CBFA2T3: variants seen among roughly 807,000 people sequenced by gnomAD.
The protein encoded by CBFA2T3 is transcriptional corepressor CBFA2T3.
A neutral mutation model predicts 58.6 loss-of-function variants in CBFA2T3; 31 were observed. The observed-to-expected ratio is 0.53, with a 90% confidence interval of 0.40 to 0.71. The LOEUF (loss-of-function observed/expected upper bound fraction) is 0.71. Among genes scored for constraint, CBFA2T3 ranks in the 30% least tolerant of loss-of-function variants. CBFA2T3 has a pLI of 0.00. For synonymous variants in CBFA2T3, 531 were observed against 421.9 expected, an observed-to-expected ratio of 1.26 and a Z score of -3.17; for missense variants, 1,076 against 963.1, an observed-to-expected ratio of 1.12 and a Z score of -1.55.
In CBFA2T3 at chr16:88,917,786, C is replaced by T. The variant is rs144606233; in HGVS notation, c.152-16130G>A. 3.4e-3 allele frequency among the ~76,000 whole-genome samples: 523 copies of T among 152,264 alleles called. 5 individuals carry two copies. The highest frequency in any genetic ancestry group is 5.9e-3 in the Non-Finnish European group (404 of 68,030). ...TGTCATAAGTGTGACATGTGATGTGCGCACGTATGACACACACATGCAGAC... is the reference window on the plus strand; with the variant it reads ...TGTCATAAGTGTGACATGTGATGTGTGCACGTATGACACACACATGCAGAC... On this transcript the variant is annotated intron_variant, in intron 1 of 11. Coordinates refer to ENST00000268679, the MANE Select transcript of CBFA2T3 (RefSeq NM_005187.6).
chr16:88,966,662 A>C (rs1972512027), intron 1 of CBFA2T3, among the ~76,000 whole-genome samples: 1 of 150,528 alleles, frequency 6.6e-6, no homozygotes. Context: ...AGCAATGGAC[A>C]CTCTTGACCT....
chr16:88,916,618 G>A (rs1429213861), intron 1 of CBFA2T3, among the ~76,000 whole-genome samples: 2 of 141,690 alleles, frequency 1.4e-5, no homozygotes, highest in Non-Finnish European at 3.0e-5. Context: ...CTGGAAGGAA[G>A]AAGGGCGGCC....
chr16:88,893,636 G>A (rs1597683212), intron 3 of CBFA2T3, among the ~76,000 whole-genome samples: 1 of 152,182 alleles, frequency 6.6e-6, no homozygotes, highest in South Asian at 2.1e-4. Flanking sequence ...GTGACATAAG[G>A]AACAGCTGAT....
At chr16:88,904,465 G>A (rs905401246) in intron 1 of CBFA2T3, among the ~76,000 whole-genome samples, 2 of 152,218 alleles carry the variant, frequency 1.3e-5, no homozygotes, top group African/African-American at 4.8e-5. Context: ...TGCCCCCACA[G>A]GGCCAGGACT....
intron 1 of CBFA2T3, among the ~76,000 whole-genome samples, chr16:88,945,257 G>A (rs1387367288): frequency 6.6e-6 from 1 of 152,138 alleles, no homozygotes; most frequent in Non-Finnish European, 1.5e-5. Context: ...ACCTAGAACA[G>A]TGAGTTTTTA....
chr16:88,951,239 CA>C (rs879164948), intron 1 of CBFA2T3: 60 of 443,200 alleles, frequency 1.4e-4, no homozygotes, highest in African/African-American at 9.4e-4. Context: ...CACAGAGGGT[CA>C]GAGTGTTGGC....
chr16:88,897,814 G>A (rs1307428954), intron 3 of CBFA2T3, among the ~76,000 whole-genome samples: 2 of 152,232 alleles, frequency 1.3e-5, no homozygotes, highest in African/African-American at 4.8e-5. Context: ...TGCTGCTGGG[G>A]AAGGAGAGCT....
intron 1 of CBFA2T3, among the ~76,000 whole-genome samples, chr16:88,930,687 G>A (rs1384978468): frequency 1.5e-5 from 2 of 131,646 alleles, no homozygotes; most frequent in African/African-American, 2.8e-5. Context: ...GTGGAGGAGC[G>A]AGGAGATGGG....
chr16:88,924,502 G>A (rs1382656993), intron 1 of CBFA2T3, among the ~76,000 whole-genome samples: 1 of 152,154 alleles, frequency 6.6e-6, no homozygotes, highest in Admixed American at 6.5e-5. Flanking sequence ...ACACAGGCCA[G>A]GGGGAGAAGA....
At position 88,965,118 on chromosome 16, in the gene CBFA2T3, T is replaced by TCCATCCATCCAC. The variant is rs1555545539; in HGVS notation, c.151+11538_151+11539insGTGGATGGATGG. Among the ~76,000 whole-genome samples, 4 of 132,878 alleles carry TCCATCCATCCAC rather than the reference T, an allele frequency of 3.0e-5. No homozygotes were observed. In the East Asian group the frequency reaches 7.9e-4, roughly 26 times the overall value. The allele number at this position is 132,878 out of a possible 152,430, so 87.2% of individuals were successfully genotyped here. On this transcript the variant is annotated intron_variant, in intron 1 of 11. Transcript: ENST00000268679. ...ATCCATCCATCCATCCATCCATCCA[T>TCCATCCATCCAC]CCACCCACCCACCCACCCACACATC... is the stretch of plus-strand genomic sequence containing the variant.
In CBFA2T3 at chr16:88,875,581, T is replaced by A. The variant is rs1393740625; in HGVS notation, c.*1395A>T. ...GCGGTGGGGCGATGGGGCCGAGAGG[T>A]TGGAGTTGGGGCGATGGGGCTGAGA... On this transcript the variant is annotated 3_prime_UTR_variant, in exon 12 of 12. Coordinates refer to ENST00000268679, the MANE Select transcript of CBFA2T3 (RefSeq NM_005187.6). 4.3e-6 allele frequency: 1 copy of A among 231,010 alleles called. No homozygotes were observed. Among genetic ancestry groups the A allele is most frequent in the Non-Finnish European group, 8.5e-6 (1 of 117,440 alleles). The allele number at this position is 231,010 out of a possible 1,614,324, so 14.3% of individuals were successfully genotyped here. A position where few individuals can be genotyped will look rare whatever the true frequency, so the allele number is the denominator to read the frequency against.
In CBFA2T3 at chr16:88,901,528, G is replaced by T. The variant is rs377501446; in HGVS notation, c.280C>A (p.Pro94Thr). The stretch of plus-strand genomic sequence containing the variant: ...CGTGTGTGTGGCGTGAAGGAGGGGG[G>T]GCGTGTGGCCCCCTGGGATGCGGCA... ...PPAASQGATR[P>T]PSFTPHTHRE... The change falls in exon 2 of 12, where the codon CCC becomes ACC. Residue 94 changes from proline (P) to threonine (T), a missense_variant. Transcript: ENST00000268679. 5.4e-6 allele frequency: 8 copies of T among 1,476,498 alleles called. No homozygotes were observed. The highest frequency in any genetic ancestry group is 7.2e-6 in the Non-Finnish European group (8 of 1,117,474). The allele number at this position is 1,476,498 out of a possible 1,614,324, so 91.5% of individuals were successfully genotyped here. A position where few individuals can be genotyped will look rare whatever the true frequency, so the allele number is the denominator to read the frequency against.
intron 1 of CBFA2T3, among the ~76,000 whole-genome samples, chr16:88,919,211 C>A (rs567890127): frequency 3.3e-5 from 5 of 151,944 alleles, no homozygotes; most frequent in Non-Finnish European, 7.4e-5. Flanking sequence ...TTCTAAGTTG[C>A]GAGCCAATCG....
intron 1 of CBFA2T3, among the ~76,000 whole-genome samples, chr16:88,909,755 A>T (rs1424634038): frequency 6.6e-6 from 1 of 151,920 alleles, no homozygotes; most frequent in East Asian, 1.9e-4. Context: ...ACGACCCCGC[A>T]CCCACGCTGC....
chr16:88,880,660 C>T (rs1427592131), intron 10 of CBFA2T3, 60 bp downstream of exon 10: 38 of 1,384,696 alleles, frequency 2.7e-5, no homozygotes, highest in Non-Finnish European at 3.1e-5. Flanking sequence ...CGGTGAGAGG[C>T]GCATCTGGGG....
rs9934287 is a variant in CBFA2T3, at chr16:88,881,280, C to T, written c.1402+11G>A. On this transcript the variant is annotated intron_variant, in intron 9 of 11. Coordinates refer to ENST00000268679, the MANE Select transcript of CBFA2T3 (RefSeq NM_005187.6). ...CCGTGTCTGCTCCCTCCCCCCACAC[C>T]CCACACGCACCTAGCTGAGGCCCTT... 2.6e-3 allele frequency: 4,212 copies of T among 1,594,200 alleles called. 100 individuals are homozygous for T. The African/African-American group carries it at 0.051, about 19-fold the overall frequency.
chr16:88,892,580 A>C, intron 3 of CBFA2T3, 95 bp from the exon 4 acceptor site: 1 of 1,397,598 alleles, frequency 7.2e-7, no homozygotes, highest in East Asian at 2.3e-5. Context: ...CTAAGGTGAC[A>C]ATGTCAAAAG....
chr16:88,974,102 T>C (rs1016031259), intron 1 of CBFA2T3, among the ~76,000 whole-genome samples: 1 of 152,206 alleles, frequency 6.6e-6, no homozygotes, highest in African/African-American at 2.4e-5. Context: ...ACTTGCCAGG[T>C]GGATTTCAAA....
intron 1 of CBFA2T3, among the ~76,000 whole-genome samples, chr16:88,928,410 G>A (rs986448378): frequency 8.5e-5 from 13 of 152,214 alleles, no homozygotes; most frequent in Non-Finnish European, 1.3e-4. Flanking sequence ...GTGGCCACAC[G>A]TCCAGCTGCC....
Sources: gnomAD v4.1 joint callset for allele counts (sites outside exome capture counted in the v4.1 genomes callset) on GRCh38, gnomAD v4.1.1 for gene constraint, MANE v1.5 for transcripts, NCBI Gene and HGNC (gene_info 2026-07-23, HGNC 2026-07-21) for gene names.